The following TBC1D22A variants were observed in gnomAD, a reference collection of about 807,000 sequenced individuals.
TBC1D22A encodes putative GTPase activator.
A neutral mutation model predicts 60.2 loss-of-function variants in TBC1D22A; 38 were observed. The ratio of observed to expected loss-of-function variants is 0.63; its 90% confidence interval spans 0.49 to 0.83. The LOEUF is 0.83. Ranked by LOEUF, TBC1D22A falls within the 40% of genes least tolerant of loss-of-function variation. The pLI, the probability that TBC1D22A is intolerant of heterozygous loss-of-function variation, is 0.00. For synonymous variants in TBC1D22A, 302 were observed against 281.7 expected (o/e 1.07, Z -0.72); for missense variants, 628 against 701.0 (o/e 0.90, Z 1.18).
intron 8 of TBC1D22A, among the ~76,000 whole-genome samples, chr22:46,968,875 A>C (rs1204719386): frequency 6.6e-6 from 1 of 152,148 alleles, no homozygotes; most frequent in Non-Finnish European, 1.5e-5. Flanking sequence ...AATATCCTCC[A>C]TTTCAAAAAC....
At chr22:47,026,312 C>A (rs1174457147) in intron 10 of TBC1D22A, among the ~76,000 whole-genome samples, 1 of 152,216 alleles carries the variant, frequency 6.6e-6, no homozygotes, top group African/African-American at 2.4e-5. Flanking sequence ...GCTTTCCCCC[C>A]AAATCGGAAA....
intron 12 of TBC1D22A, among the ~76,000 whole-genome samples, chr22:47,114,426 G>A (rs944537170): frequency 6.6e-6 from 1 of 151,988 alleles, no homozygotes; most frequent in Non-Finnish European, 1.5e-5. Flanking sequence ...ATAGGGGTTG[G>A]ATGGAGAGAA....
intron 12 of TBC1D22A, among the ~76,000 whole-genome samples, chr22:47,149,345 A>T (rs1443283354): frequency 1.3e-5 from 2 of 152,254 alleles, no homozygotes. Flanking sequence ...AATGGCTTTC[A>T]AAACCTTCTA....
intron 10 of TBC1D22A, among the ~76,000 whole-genome samples, chr22:47,016,759 G>A (rs1223035476): frequency 1.3e-5 from 2 of 152,322 alleles, no homozygotes; most frequent in African/African-American, 2.4e-5. Flanking sequence ...AGCCGTATTC[G>A]TTTCAGAAGC....
At chr22:46,941,789 A>ACG (rs1569249588) in intron 8 of TBC1D22A, among the ~76,000 whole-genome samples, 14 of 139,014 alleles carry the variant, frequency 1.0e-4, no homozygotes, top group Admixed American at 3.7e-4. Context: ...GAATATATAT[A>ACG]GAATATATAG....
chr22:47,106,473 G>A (rs571786446), intron 11 of TBC1D22A, among the ~76,000 whole-genome samples: 1 of 152,324 alleles, frequency 6.6e-6, no homozygotes, highest in East Asian at 1.9e-4. Flanking sequence ...GAGGCTAGAA[G>A]ATGATAGAGT....
intron 9 of TBC1D22A, among the ~76,000 whole-genome samples, chr22:46,979,166 A>T (rs887959278): frequency 2.8e-4 from 42 of 152,182 alleles, no homozygotes; most frequent in African/African-American, 9.2e-4. Flanking sequence ...AGGTGTGCAG[A>T]TCTTTTAAAT....
intron 11 of TBC1D22A, among the ~76,000 whole-genome samples, chr22:47,043,789 A>T (rs1405340193): frequency 6.6e-6 from 1 of 152,122 alleles, no homozygotes; most frequent in Non-Finnish European, 1.5e-5. Flanking sequence ...CTCTGAGGGC[A>T]GGGGGGCGCA....
intron 1 of TBC1D22A, among the ~76,000 whole-genome samples, 160 bp downstream of exon 1, chr22:46,763,008 C>T (rs962095326): frequency 6.6e-6 from 1 of 151,300 alleles, no homozygotes; most frequent in African/African-American, 2.4e-5. Context: ...GCTCGGAGGT[C>T]GGAGCGTGGG....
At chr22:46,815,395 T>C (rs1009644264) in intron 4 of TBC1D22A, among the ~76,000 whole-genome samples, 1 of 152,234 alleles carries the variant, frequency 6.6e-6, no homozygotes, top group East Asian at 1.9e-4. Context: ...TGTTTTTGAA[T>C]TGAAGTGCCC....
At chr22:47,100,885 C>T (rs1189454103) in intron 11 of TBC1D22A, among the ~76,000 whole-genome samples, 7 of 152,184 alleles carry the variant, frequency 4.6e-5, no homozygotes, top group African/African-American at 9.6e-5. Context: ...ACCAACAGCT[C>T]GCCTCAGAGG....
intron 4 of TBC1D22A, among the ~76,000 whole-genome samples, chr22:46,849,887 C>G (rs1439496928): frequency 6.6e-6 from 1 of 152,156 alleles, no homozygotes; most frequent in Non-Finnish European, 1.5e-5. Flanking sequence ...TTTGTCTTCA[C>G]TTTAGTTCTT....
At chr22:47,165,880 G>C (rs976609771) in intron 12 of TBC1D22A, among the ~76,000 whole-genome samples, 2 of 152,136 alleles carry the variant, frequency 1.3e-5, no homozygotes, top group African/African-American at 4.8e-5. Context: ...CTGCACACGC[G>C]GAGTGTCAGG....
chr22:46,891,407 T>A lies in TBC1D22A; in HGVS notation c.837+13T>A. The A allele has an allele frequency of 6.3e-7, 1 of 1,591,038 alleles. No individual in the cohort carries two copies. The highest frequency in any genetic ancestry group is 8.5e-7 in the Non-Finnish European group (1 of 1,172,584). On this transcript the variant is annotated intron_variant, in intron 6 of 12. Coordinates refer to ENST00000337137, the MANE Select transcript of TBC1D22A (RefSeq NM_014346.5). ...CACATACAGGCAGGTGGGAATCCTT[T>A]CTTTTTTTCGTATGTTGCCTGATGT...
intron 12 of TBC1D22A, among the ~76,000 whole-genome samples, chr22:47,112,525 C>T (rs1025836270): frequency 7.9e-5 from 12 of 152,232 alleles, no homozygotes; most frequent in African/African-American, 2.4e-4. Context: ...CCAAGCATCC[C>T]TATTCCTTCC....
chr22:47,080,323 C>T (rs895088477), intron 11 of TBC1D22A, among the ~76,000 whole-genome samples: 5 of 152,184 alleles, frequency 3.3e-5, no homozygotes, highest in Admixed American at 6.5e-5. Flanking sequence ...AGATACCCAA[C>T]AACATTCTTT....
At chr22:46,775,368 G>C (rs1322985211) in intron 1 of TBC1D22A, among the ~76,000 whole-genome samples, 1 of 152,210 alleles carries the variant, frequency 6.6e-6, no homozygotes, top group Non-Finnish European at 1.5e-5. Flanking sequence ...AGGGATCTGG[G>C]AGGAAGAAAG....
At chr22:47,127,161 A>AAACT (rs2066486064) in intron 12 of TBC1D22A, among the ~76,000 whole-genome samples, 2 of 152,148 alleles carry the variant, frequency 1.3e-5, no homozygotes, top group Admixed American at 1.3e-4. Flanking sequence ...GTGATAAAGA[A>AAACT]AACTACTCCT....
intron 7 of TBC1D22A, among the ~76,000 whole-genome samples, chr22:46,899,994 C>T (rs548160114): frequency 6.6e-6 from 1 of 152,080 alleles, no homozygotes; most frequent in South Asian, 2.1e-4. Context: ...TTATCCATTC[C>T]ACAGGTGATG....
Sources: allele counts gnomAD v4.1 joint callset (sites outside exome capture counted in the v4.1 genomes callset), GRCh38; gene constraint gnomAD v4.1.1; transcripts MANE v1.5; gene names NCBI Gene and HGNC (gene_info 2026-07-23, HGNC 2026-07-21).